OSMR: variants seen among roughly 807,000 people sequenced by gnomAD.
OSMR encodes the protein oncostatin M receptor.
Under a neutral mutation model 99.9 loss-of-function variants are expected in OSMR, and 81 were observed. That is an observed-to-expected ratio of 0.81 (90% CI 0.68 to 0.97). The LOEUF (loss-of-function observed/expected upper bound fraction) is 0.97. Among genes scored for constraint, OSMR ranks in the 50% least tolerant of loss-of-function variants. The pLI, the probability that OSMR is intolerant of heterozygous loss-of-function variation, is 0.00. For missense variants in OSMR, 1,099 were observed against 1,153.4 expected, an observed-to-expected ratio of 0.95 and a Z score of 0.68; for synonymous variants, 406 against 410.4, an observed-to-expected ratio of 0.99 and a Z score of 0.13.
At chr5:38,940,143 CA>C (rs68031684), downstream of OSMR, 45,515 of 180,710 alleles carry the variant, frequency 0.25, 4,858 homozygotes, top group African/African-American at 0.4. Flanking sequence ...AAAAAAAAAA[CA>C]AAAAAAAAAA....
chr5:38,849,992 C>A (rs992216290), intron 1 of OSMR, among the ~76,000 whole-genome samples: 3 of 152,152 alleles, frequency 2.0e-5, no homozygotes, highest in African/African-American at 7.2e-5. Flanking sequence ...ATATCCTACT[C>A]ATGGTTTTGC....
intron 1 of OSMR, among the ~76,000 whole-genome samples, chr5:38,853,783 T>C (rs1740632374): frequency 6.6e-6 from 1 of 152,206 alleles, no homozygotes; most frequent in Non-Finnish European, 1.5e-5. Context: ...CATCAGCTAA[T>C]TCAATTTTAT....
In OSMR at chr5:38,903,957, A is replaced by C. The variant is rs759091906; in HGVS notation, c.1067A>C (p.His356Pro). The change falls in exon 8 of 18, where the codon CAC becomes CCC. Residue 356 changes from histidine (H) to proline (P), a missense_variant. Coordinates refer to ENST00000274276, the MANE Select transcript of OSMR (RefSeq NM_003999.3). The stretch of plus-strand genomic sequence containing the variant: ...AATGCCATCATGACCTGGAAGGTGC[A>C]CTCCATAAGGAATAATTTCACATAT... ...ATNAIMTWKV[H>P]SIRNNFTYLC... The C allele has an allele frequency of 6.2e-7, 1 of 1,614,004 alleles. No individual in the cohort carries two copies. Among genetic ancestry groups the C allele is most frequent in the Admixed American group, 1.7e-5 (1 of 60,008 alleles).
intron 2 of OSMR, chr5:38,875,920 G>A (rs148975660): frequency 6.5e-6 from 1 of 152,730 alleles, no homozygotes; most frequent in East Asian, 1.9e-4. Flanking sequence ...CGGTTAGATT[G>A]TCCAATAAAG....
At chr5:38,878,829 C>T (rs1743034794) in intron 3 of OSMR, among the ~76,000 whole-genome samples, 1 of 152,144 alleles carries the variant, frequency 6.6e-6, no homozygotes, top group Admixed American at 6.5e-5. Context: ...CTGTAAAGAC[C>T]ACAAAGCAGA....
At chr5:38,942,422 GATGAT>G (rs748670246) in intron 1 of OSMR, 28 of 1,146,628 alleles carry the variant, frequency 2.4e-5, no homozygotes, top group Non-Finnish European at 3.5e-5. Context: ...TATAAAAACA[GATGAT>G]ATAACATATT....
At chr5:38,916,482 GC>G (rs1436390038) in intron 9 of OSMR, among the ~76,000 whole-genome samples, 1 of 152,064 alleles carries the variant, frequency 6.6e-6, no homozygotes, top group African/African-American at 2.4e-5. Flanking sequence ...AATCATACCT[GC>G]CCCATAGAAT....
chr5:38,848,702 G>T (rs542724137), intron 1 of OSMR, among the ~76,000 whole-genome samples: 1 of 152,092 alleles, frequency 6.6e-6, no homozygotes, highest in African/African-American at 2.4e-5. Flanking sequence ...TGTACAGCTT[G>T]CTTTTTCACT....
At chr5:38,926,792 G>C (rs1746494220) in intron 15 of OSMR, among the ~76,000 whole-genome samples, 1 of 152,252 alleles carries the variant, frequency 6.6e-6, no homozygotes, top group East Asian at 1.9e-4. Flanking sequence ...AGTCCCCCAA[G>C]GTCTTAGCTC....
At chr5:38,882,888 A>G (rs1037658675) in intron 4 of OSMR, among the ~76,000 whole-genome samples, 6 of 152,228 alleles carry the variant, frequency 3.9e-5, no homozygotes, top group African/African-American at 1.4e-4. Flanking sequence ...AAGCCATGCA[A>G]GGTCACCACG....
intron 7 of OSMR, among the ~76,000 whole-genome samples, chr5:38,894,564 G>T (rs986601599): frequency 3.5e-5 from 5 of 143,090 alleles, no homozygotes; most frequent in African/African-American, 1.3e-4. Context: ...AGGTAAAACA[G>T]ACTTTAAACC....
chr5:38,908,503 C>A (rs1028597562), intron 9 of OSMR, among the ~76,000 whole-genome samples: 12 of 152,190 alleles, frequency 7.9e-5, no homozygotes, highest in Non-Finnish European at 1.5e-4. Context: ...TGGCCTGCAC[C>A]ACTCATTGGA....
chr5:38,926,263 T>A (rs1013134539), intron 15 of OSMR, among the ~76,000 whole-genome samples: 1 of 152,228 alleles, frequency 6.6e-6, no homozygotes, highest in Non-Finnish European at 1.5e-5. Context: ...GCTGTAGAGA[T>A]GGGCACATCC....
At chr5:38,887,353 A>G (rs532410736) in intron 7 of OSMR, among the ~76,000 whole-genome samples, 1 of 152,206 alleles carries the variant, frequency 6.6e-6, no homozygotes, top group East Asian at 1.9e-4. Context: ...GTTTTTAAGA[A>G]GACAAATTCC....
chr5:38,938,634 T>C (rs139177258), downstream of OSMR: 525 of 232,730 alleles, frequency 2.3e-3, 6 homozygotes, highest in African/African-American at 0.011. Context: ...ATAAACCTAC[T>C]AGGAATGAAA....
rs552797715 is a variant in OSMR, at chr5:38,905,514, A to G, written c.1285+1011A>G. ...AAAAAAAAAAAAATCATAGGAGTCAACATTTACTGTGAGCCATACATAGCT... is the reference window on the plus strand; with the variant it reads ...AAAAAAAAAAAAATCATAGGAGTCAGCATTTACTGTGAGCCATACATAGCT... On this transcript the variant is annotated intron_variant, in intron 9 of 17. Transcript: ENST00000274276. Among the ~76,000 whole-genome samples the G allele has an allele frequency of 2.5e-3, 377 of 152,122 alleles. 1 individual carries two copies. The highest frequency in any genetic ancestry group is 8.6e-3 in the African/African-American group (359 of 41,508).
chr5:38,854,585 T>C (rs1483100407), intron 1 of OSMR, among the ~76,000 whole-genome samples: 2 of 152,098 alleles, frequency 1.3e-5, no homozygotes, highest in Non-Finnish European at 1.5e-5. Context: ...TATTTGACAA[T>C]AGTAAAAGTA....
chr5:38,920,765 G>A (rs920669274), intron 11 of OSMR, among the ~76,000 whole-genome samples: 2 of 152,238 alleles, frequency 1.3e-5, no homozygotes, highest in African/African-American at 4.8e-5. Flanking sequence ...TCTGTGGAAA[G>A]AGGAGAAATT....
chr5:38,938,280 CTG>C (rs1242276600), downstream of OSMR: 7 of 227,334 alleles, frequency 3.1e-5, no homozygotes, highest in African/African-American at 1.1e-4. Context: ...AGCATTAAGT[CTG>C]AGATTTTTTT....
Sources: allele counts gnomAD v4.1 joint callset (sites outside exome capture counted in the v4.1 genomes callset), GRCh38; gene constraint gnomAD v4.1.1; transcripts MANE v1.5; gene names NCBI Gene and HGNC (gene_info 2026-07-23, HGNC 2026-07-21).